CUL2: variants seen among roughly 807,000 people sequenced by gnomAD.
The protein encoded by CUL2 is cullin 2.
In CUL2, 22 loss-of-function variants were observed where a neutral mutation model predicts 110.2. That is an observed-to-expected ratio of 0.20 (90% CI 0.14 to 0.28). The LOEUF (loss-of-function observed/expected upper bound fraction) is 0.28, where lower values mean the gene tolerates loss of function less well. Ranked by LOEUF, CUL2 falls within the 10% of genes least tolerant of loss-of-function variation. The probability of loss-of-function intolerance (pLI) is 1.00; values close to 1 mark genes in which losing one functional copy is unlikely to be tolerated. For missense variants in CUL2, 631 were observed against 905.5 expected, an observed-to-expected ratio of 0.70 and a Z score of 3.89; for synonymous variants, 279 against 293.2, an observed-to-expected ratio of 0.95 and a Z score of 0.49.
At chr10:35,048,223 A>G (rs879666715) in intron 6 of CUL2, among the ~76,000 whole-genome samples, 1 of 143,280 alleles carries the variant, frequency 7.0e-6, no homozygotes, top group Non-Finnish European at 1.5e-5. Context: ...AAACTCTAAG[A>G]GAGCTGTCAT....
intron 3 of CUL2, among the ~76,000 whole-genome samples, chr10:35,061,550 T>A (rs962068778): frequency 6.6e-6 from 1 of 152,118 alleles, no homozygotes; most frequent in Non-Finnish European, 1.5e-5. Context: ...TTATCACTTA[T>A]GGTGTTAACC....
chr10:35,016,291 A>G lies in CUL2; in HGVS notation c.1788T>C (p.Tyr596=). Residue 596 remains tyrosine, a synonymous_variant, in exon 18 of 21, where the codon TAT becomes TAC. Transcript: ENST00000374749. ...LAFNNSETVS[Y]KELQDSTQMN... is the part of the protein sequence containing the mutation. ...TCTGAGTGCTGTCCTGAAGCTCTTT[A>G]TAACTGACAGTTTCACTGTTGTTAA... is the stretch of plus-strand genomic sequence containing the variant. The G allele has an allele frequency of 1.2e-6, 2 of 1,613,992 alleles. No homozygotes were observed. The highest frequency in any genetic ancestry group is 1.7e-6 in the Non-Finnish European group (2 of 1,179,932).
intron 6 of CUL2, among the ~76,000 whole-genome samples, chr10:35,046,682 G>A (rs909134426): frequency 6.6e-6 from 1 of 152,012 alleles, no homozygotes; most frequent in Non-Finnish European, 1.5e-5. Flanking sequence ...ATCTGAGGTC[G>A]GGAGTTAGAG....
chr10:35,094,482 G>A (rs555156342), upstream of CUL2, among the ~76,000 whole-genome samples: 3 of 152,166 alleles, frequency 2.0e-5, no homozygotes, highest in African/African-American at 4.8e-5. Flanking sequence ...TGATTTGCCC[G>A]CCTGGGCCTC....
At chr10:35,104,014 T>C (rs2087422477) in intron 1 of CUL2, among the ~76,000 whole-genome samples, 1 of 152,194 alleles carries the variant, frequency 6.6e-6, no homozygotes, top group African/African-American at 2.4e-5. Context: ...CTTCTTTAGC[T>C]TTGTGATAAC....
intron 16 of CUL2, 141 bp downstream of exon 16, chr10:35,028,669 A>G (rs990105317): frequency 4.6e-5 from 25 of 540,184 alleles, no homozygotes; most frequent in African/African-American, 4.5e-4. Flanking sequence ...CATTCTTCCT[A>G]AAGGGCAGAC....
At chr10:35,061,546 C>T (rs959698481) in intron 3 of CUL2, among the ~76,000 whole-genome samples, 2 of 151,888 alleles carry the variant, frequency 1.3e-5, no homozygotes, top group African/African-American at 4.8e-5. Flanking sequence ...ATAGTTATCA[C>T]TTATGGTGTT....
chr10:35,087,881 G>T (rs1318094845), intron 1 of CUL2, among the ~76,000 whole-genome samples: 2 of 9,054 alleles, frequency 2.2e-4, no homozygotes, highest in Non-Finnish European at 6.7e-3. Context: ...ATGTATCTAA[G>T]AACAAAGCCA....
chr10:35,126,320 T>C (rs1417009997), intron 1 of CUL2, among the ~76,000 whole-genome samples: 1 of 152,212 alleles, frequency 6.6e-6, no homozygotes, highest in Non-Finnish European at 1.5e-5. Flanking sequence ...AGGTGAATTG[T>C]CTCAGGAGCT....
intron 1 of CUL2, among the ~76,000 whole-genome samples, chr10:35,107,699 G>A (rs2087478076): frequency 6.6e-6 from 1 of 151,524 alleles, no homozygotes; most frequent in African/African-American, 2.4e-5. Context: ...TGGCTAACAT[G>A]GTGAAACCCT....
chr10:35,017,770 G>A (rs1295914097), intron 17 of CUL2, among the ~76,000 whole-genome samples: 2 of 150,898 alleles, frequency 1.3e-5, no homozygotes, highest in African/African-American at 4.9e-5. Flanking sequence ...GTATACTACA[G>A]TTCTGCAACA....
intron 20 of CUL2, among the ~76,000 whole-genome samples, chr10:35,011,526 G>A (rs985480947): frequency 6.6e-6 from 1 of 152,068 alleles, no homozygotes; most frequent in African/African-American, 2.4e-5. Context: ...GCTGAGGCAG[G>A]AGACTCACTT....
intron 2 of CUL2, among the ~76,000 whole-genome samples, chr10:35,068,435 G>A (rs2086592365): frequency 6.6e-6 from 1 of 151,964 alleles, no homozygotes; most frequent in Non-Finnish European, 1.5e-5. Context: ...TAAAAAAAAA[G>A]AACCACAAAA....
At chr10:35,061,685 A>C (rs1436269312) in intron 3 of CUL2, among the ~76,000 whole-genome samples, 2 of 152,136 alleles carry the variant, frequency 1.3e-5, no homozygotes, top group Non-Finnish European at 2.9e-5. Context: ...ACTAAAATGC[A>C]CATGCCATAT....
At position 35,123,590 on chromosome 10, in the gene CUL2, G is replaced by C. The variant is rs114274254; in HGVS notation, c.-51+3015C>G. Among the ~76,000 whole-genome samples the C allele has an allele frequency of 9.9e-3, 1,504 of 152,312 alleles. 34 individuals are homozygous for C. The highest frequency in any genetic ancestry group is 0.035 in the African/African-American group (1,440 of 41,576). On this transcript the variant is annotated intron_variant, in intron 1 of 5. Transcript: ENST00000685421. ...GCAGGCACTTCAAAATATTTTCTAT[G>C]TGGCTCCTGAATGACATGAGTAGAA...
At position 35,097,417 on chromosome 10, in the gene CUL2, G is replaced by A. The variant is rs1362861194; in HGVS notation, c.167+3427C>T. 2.0e-5 allele frequency among the ~76,000 whole-genome samples: 3 copies of A among 149,930 alleles called. No homozygotes were observed. The Admixed American group carries it at 2.0e-4, about 10-fold the overall frequency. ...AGGTGGAAGGATTGCTTGAGTTCAG[G>A]AGATTGAGATTGCAGTGAACTGTGA... On this transcript the variant is annotated intron_variant, in intron 2 of 5. Transcript: ENST00000685421.
Position 35,010,191 on chromosome 10 carries a change from G to T in CUL2, c.*120C>A. On this transcript the variant is annotated 3_prime_UTR_variant, in exon 21 of 21. Coordinates refer to ENST00000374749, the MANE Select transcript of CUL2 (RefSeq NM_003591.4). ...CGTGGCACTGGTGATGTTGTAAACA[G>T]CAGAAAACAGGGGCTGCCAAATGAC... is the stretch of plus-strand genomic sequence containing the variant. The T allele has an allele frequency of 1.9e-6, 2 of 1,027,534 alleles. No individual in the cohort carries two copies. Among genetic ancestry groups the T allele is most frequent in the Non-Finnish European group, 2.6e-6 (2 of 756,924 alleles). The allele number at this position is 1,027,534 out of a possible 1,614,324, so 63.7% of individuals were successfully genotyped here. A position where few individuals can be genotyped will look rare whatever the true frequency, so the allele number is the denominator to read the frequency against.
chr10:35,095,856 C>T (rs977504036), intron 2 of CUL2, among the ~76,000 whole-genome samples: 2 of 152,114 alleles, frequency 1.3e-5, no homozygotes, highest in Admixed American at 6.5e-5. Flanking sequence ...CCACCAAGCC[C>T]GGCCAGTTAT....
chr10:35,095,583 G>C (rs2087285015), upstream of CUL2, among the ~76,000 whole-genome samples: 1 of 152,084 alleles, frequency 6.6e-6, no homozygotes. Flanking sequence ...TTTTGAGACA[G>C]AGTCTCCCTC....
Sources: gnomAD v4.1 joint callset for allele counts (sites outside exome capture counted in the v4.1 genomes callset) on GRCh38, gnomAD v4.1.1 for gene constraint, MANE v1.5 for transcripts, NCBI Gene and HGNC (gene_info 2026-07-23, HGNC 2026-07-21) for gene names.